The following CDH4 variants were observed in gnomAD, a reference collection of about 807,000 sequenced individuals.
The protein encoded by CDH4 is cadherin 4.
CDH4 carries 33 observed loss-of-function variants against 86.0 expected under a neutral mutation model. The observed-to-expected ratio is 0.38, with a 90% CI of 0.29 to 0.51. The LOEUF (loss-of-function observed/expected upper bound fraction) is 0.51. Among genes scored for constraint, CDH4 ranks in the 20% least tolerant of loss-of-function variants. The probability of loss-of-function intolerance (pLI) is 0.86; values close to 1 mark genes in which losing one functional copy is unlikely to be tolerated. For synonymous variants in CDH4, 555 were observed against 549.4 expected (o/e 1.01, Z -0.14); for missense variants, 1,114 against 1,307.4 (o/e 0.85, Z 2.28).
At chr20:61,595,565 C>T (rs2086551405) in intron 2 of CDH4, among the ~76,000 whole-genome samples, 1 of 152,254 alleles carries the variant, frequency 6.6e-6, no homozygotes, top group African/African-American at 2.4e-5. Context: ...AAGAACTGCC[C>T]AGGAGTTAAC....
At position 61,621,279 on chromosome 20, in the gene CDH4, C is replaced by T. The variant is rs983147400; in HGVS notation, c.170-122284C>T. ...CTGTACTGCCCTGCTTCCTAGAACGCGCTGTCAAGATCTGTTTGACATTCT... is the reference window on the plus strand; with the variant it reads ...CTGTACTGCCCTGCTTCCTAGAACGTGCTGTCAAGATCTGTTTGACATTCT... On this transcript the variant is annotated intron_variant, in intron 2 of 15. Transcript: ENST00000614565. 5.3e-5 allele frequency among the ~76,000 whole-genome samples: 8 copies of T among 152,174 alleles called. No individual in the cohort carries two copies. The South Asian group carries it at 6.2e-4, about 12-fold the overall frequency.
chr20:61,586,035 G>GGTGA (rs1555811246), intron 2 of CDH4, among the ~76,000 whole-genome samples: 2 of 150,276 alleles, frequency 1.3e-5, no homozygotes, highest in African/African-American at 4.9e-5. Context: ...TGGTGATGAT[G>GGTGA]TGGTGATGAG....
rs137892612 is a variant in CDH4, at chr20:61,374,185, C to T, written c.169+119248C>T. Among the ~76,000 whole-genome samples, 21 of 152,346 alleles carry T rather than the reference C, an allele frequency of 1.4e-4. No individual in the cohort carries two copies. The East Asian group carries it at 3.3e-3, about 24-fold the overall frequency. The stretch of plus-strand genomic sequence containing the variant: ...AGGTTGGCACTAGCTCCCTGAGGAG[C>T]TCGCTGTCTGAAAGGGGAGAAGCAT... On this transcript the variant is annotated intron_variant, in intron 2 of 15. Transcript: ENST00000614565.
intron 2 of CDH4, among the ~76,000 whole-genome samples, chr20:61,426,633 GT>G (rs1442046947): frequency 6.6e-6 from 1 of 152,190 alleles, no homozygotes; most frequent in Non-Finnish European, 1.5e-5. Context: ...TCAGAATATG[GT>G]TGTGCAGTGC....
intron 2 of CDH4, among the ~76,000 whole-genome samples, chr20:61,313,699 A>G (rs2084460791): frequency 6.6e-6 from 1 of 152,192 alleles, no homozygotes. Context: ...AAAAATGTAT[A>G]TATTTATGGT....
intron 7 of CDH4, among the ~76,000 whole-genome samples, chr20:61,887,349 C>T (rs996430046): frequency 2.6e-5 from 4 of 152,210 alleles, no homozygotes; most frequent in African/African-American, 4.8e-5. Context: ...CCCTGCCTCT[C>T]GAAATCAAGA....
chr20:61,283,548 CT>C (rs1381479606), intron 2 of CDH4, among the ~76,000 whole-genome samples: 28 of 114,740 alleles, frequency 2.4e-4, no homozygotes, highest in Non-Finnish European at 3.2e-4. Context: ...CACGCGTGTG[CT>C]GTGGTGTGTG....
chr20:61,379,261 G>T (rs960456923), intron 2 of CDH4, among the ~76,000 whole-genome samples: 1 of 152,074 alleles, frequency 6.6e-6, no homozygotes. Context: ...ACGTGGTTTT[G>T]GAGTGAGTGC....
At chr20:61,778,788 A>G (rs372844475) in intron 4 of CDH4, among the ~76,000 whole-genome samples, 14 of 152,310 alleles carry the variant, frequency 9.2e-5, no homozygotes, top group African/African-American at 2.9e-4. Flanking sequence ...TTATGTCCCC[A>G]GGGGAACTGG....
chr20:61,512,113 T>C (rs1210555376), intron 2 of CDH4, among the ~76,000 whole-genome samples: 2 of 152,176 alleles, frequency 1.3e-5, no homozygotes, highest in African/African-American at 4.8e-5. Flanking sequence ...TGCTGGCTCT[T>C]AAGGATGCTG....
At chr20:61,786,427 G>T (rs533644380) in intron 4 of CDH4, among the ~76,000 whole-genome samples, 2 of 152,242 alleles carry the variant, frequency 1.3e-5, no homozygotes, top group South Asian at 4.1e-4. Context: ...GAAGCCAGAG[G>T]GATGTGAAGA....
At chr20:61,775,814 G>C (rs1372471813) in intron 4 of CDH4, among the ~76,000 whole-genome samples, 1 of 152,210 alleles carries the variant, frequency 6.6e-6, no homozygotes. Context: ...ATATTCTGCT[G>C]TCCTGGCTCT....
At chr20:61,679,246 T>G (rs73308524) in intron 2 of CDH4, among the ~76,000 whole-genome samples, 17,735 of 152,222 alleles carry the variant, frequency 0.12, 1,349 homozygotes, top group East Asian at 0.34. Flanking sequence ...AACACATCCC[T>G]GTGTCCTCGT....
chr20:61,907,572 T>G (rs1028738946), intron 8 of CDH4, among the ~76,000 whole-genome samples: 1 of 152,200 alleles, frequency 6.6e-6, no homozygotes, highest in African/African-American at 2.4e-5. Flanking sequence ...CAGGGCCCAG[T>G]GTGTCCCACG....
Position 61,793,531 on chromosome 20 carries a change from T to A in CDH4, c.576+20349T>A, listed in dbSNP as rs190400756. On this transcript the variant is annotated intron_variant, in intron 4 of 15. Coordinates refer to ENST00000614565, the MANE Select transcript of CDH4 (RefSeq NM_001794.5). Reference sequence around the variant, plus strand: ...GTCAGGGTGCTCCCTGGACAGTCATTTTCAGGATCCCAGCAAGAATGAGGC... The same window carrying A: ...GTCAGGGTGCTCCCTGGACAGTCATATTCAGGATCCCAGCAAGAATGAGGC... Among the ~76,000 whole-genome samples the A allele has an allele frequency of 3.1e-3, 471 of 152,016 alleles. 4 individuals are homozygous for A. Among genetic ancestry groups the A allele is most frequent in the African/African-American group, 0.011 (453 of 41,478 alleles).
intron 2 of CDH4, among the ~76,000 whole-genome samples, chr20:61,686,507 A>ATG (rs543581662): frequency 8.0e-6 from 1 of 125,564 alleles, no homozygotes; most frequent in Non-Finnish European, 1.7e-5. Flanking sequence ...GTGTGTGTAT[A>ATG]TGTGTGTGCA....
At chr20:61,530,662 A>AGG (rs1203646922) in intron 2 of CDH4, among the ~76,000 whole-genome samples, 1 of 152,108 alleles carries the variant, frequency 6.6e-6, no homozygotes, top group Non-Finnish European at 1.5e-5. Context: ...TTGGCTAGAA[A>AGG]GGGGCTGTGT....
rs567022284 is a variant in CDH4, at chr20:61,852,801, C to T, written c.780C>T (p.Pro260=). 2.5e-5 allele frequency: 41 copies of T among 1,614,088 alleles called. No individual in the cohort carries two copies. The South Asian group carries it at 2.9e-4, about 11-fold the overall frequency. The change falls in exon 6 of 16, where the codon CCC becomes CCT. Residue 260 remains proline (P), a synonymous_variant. Transcript: ENST00000614565. The stretch of plus-strand genomic sequence containing the variant: ...TGAATGGCAACAAGGTGGAGAACCC[C>T]ATCGACCTGTACATCTACGTCATCG... The part of the protein sequence containing the change: ...VDMNGNKVEN[P]IDLYIYVIDM...
intron 2 of CDH4, among the ~76,000 whole-genome samples, chr20:61,404,964 C>T (rs1045422250): frequency 6.6e-6 from 1 of 152,146 alleles, no homozygotes; most frequent in Non-Finnish European, 1.5e-5. Flanking sequence ...GCAGGAGAAC[C>T]GCTTGAACCT....
Sources: allele counts gnomAD v4.1 joint callset (sites outside exome capture counted in the v4.1 genomes callset), GRCh38; gene constraint gnomAD v4.1.1; transcripts MANE v1.5; gene names NCBI Gene and HGNC (gene_info 2026-07-23, HGNC 2026-07-21).